PDE4D: variants seen among roughly 807,000 people sequenced by gnomAD.
PDE4D encodes the protein 3',5'-cyclic-AMP phosphodiesterase 4D.
In PDE4D, 24 loss-of-function variants were observed where a neutral mutation model predicts 87.4. The ratio of observed to expected loss-of-function variants is 0.27; its 90% CI spans 0.20 to 0.39. The LOEUF (loss-of-function observed/expected upper bound fraction) is 0.39, where lower values mean the gene tolerates loss of function less well. Ranked by LOEUF, PDE4D falls within the 10% of genes least tolerant of loss-of-function variation. The pLI is 1.00. For synonymous variants in PDE4D, 384 were observed against 383.2 expected (o/e 1.00, Z -0.02); for missense variants, 714 against 1,041.0 (o/e 0.69, Z 4.32).
chr5:59,202,324 T>A (rs1747677625), intron 2 of PDE4D, among the ~76,000 whole-genome samples: 1 of 151,958 alleles, frequency 6.6e-6, no homozygotes, highest in African/African-American at 2.4e-5. Context: ...ACAGGCATGA[T>A]CCACAGCGCC....
At chr5:59,807,629 C>T (rs1767887759) in intron 1 of PDE4D, among the ~76,000 whole-genome samples, 1 of 152,112 alleles carries the variant, frequency 6.6e-6, no homozygotes, top group Non-Finnish European at 1.5e-5. Flanking sequence ...GCCTTCCAGA[C>T]AATTATGAAA....
intron 6 of PDE4D, among the ~76,000 whole-genome samples, chr5:59,030,422 C>CAAAAAAAAAAAA (rs373275661): frequency 0.011 from 612 of 56,844 alleles, no homozygotes; most frequent in Middle Eastern, 0.016. Flanking sequence ...AACAGAGATA[C>CAAAAAAAAAAAA]AAAAAAAAAA....
chr5:60,456,349 T>C (rs1746467976), intron 1 of PDE4D, among the ~76,000 whole-genome samples: 1 of 152,222 alleles, frequency 6.6e-6, no homozygotes, highest in Non-Finnish European at 1.5e-5. Flanking sequence ...AGAGCCTCTT[T>C]CCCCAGGTTT....
chr5:59,393,907 T>C (rs1179392158), intron 1 of PDE4D, among the ~76,000 whole-genome samples: 4 of 152,212 alleles, frequency 2.6e-5, no homozygotes, highest in African/African-American at 7.2e-5. Context: ...GGAAGATAAA[T>C]GTGATAAAAG....
chr5:59,492,099 A>T (rs1187872018), intron 1 of PDE4D, among the ~76,000 whole-genome samples: 1 of 152,028 alleles, frequency 6.6e-6, no homozygotes, highest in East Asian at 1.9e-4. Flanking sequence ...TTGGGCCTAA[A>T]TCTCTGCCTC....
At chr5:59,460,493 G>C (rs562422215) in intron 1 of PDE4D, among the ~76,000 whole-genome samples, 1 of 152,136 alleles carries the variant, frequency 6.6e-6, no homozygotes, top group Admixed American at 6.5e-5. Flanking sequence ...GGCTACTCAG[G>C]AACAATGATT....
intron 5 of PDE4D, among the ~76,000 whole-genome samples, chr5:59,117,821 T>TG (rs1773862755): frequency 6.6e-6 from 1 of 151,142 alleles, no homozygotes; most frequent in Non-Finnish European, 1.5e-5. Context: ...TTTTTTTTTT[T>TG]TGTGAGGGGT....
intron 2 of PDE4D, among the ~76,000 whole-genome samples, chr5:60,125,864 C>T (rs915643762): frequency 3.3e-5 from 5 of 151,986 alleles, no homozygotes; most frequent in East Asian, 1.9e-4. Flanking sequence ...ATTTCATTTA[C>T]GGAAAAGGTA....
intron 1 of PDE4D, among the ~76,000 whole-genome samples, chr5:60,340,446 A>G (rs1371847251): frequency 6.6e-6 from 1 of 152,138 alleles, no homozygotes; most frequent in Non-Finnish European, 1.5e-5. Flanking sequence ...TTACCCTGGT[A>G]TAATAGTTTC....
At chr5:60,069,765 C>A (rs965630604) in intron 2 of PDE4D, among the ~76,000 whole-genome samples, 13 of 151,702 alleles carry the variant, frequency 8.6e-5, no homozygotes, top group Admixed American at 2.6e-4. Context: ...CTGTAGATTT[C>A]TTTTGGTAGT....
chr5:59,026,725 TA>T (rs534038842), intron 6 of PDE4D, among the ~76,000 whole-genome samples: 10 of 150,674 alleles, frequency 6.6e-5, no homozygotes, highest in African/African-American at 1.5e-4. Context: ...AAGATGGGAT[TA>T]AAAAAAAAGG....
At chr5:60,254,993 C>T (rs1386818471) in intron 1 of PDE4D, among the ~76,000 whole-genome samples, 2 of 151,844 alleles carry the variant, frequency 1.3e-5, no homozygotes, top group African/African-American at 4.8e-5. Context: ...AAAATAGCAT[C>T]ATGGCTTAAA....
chr5:59,824,316 A>C (rs555565708), intron 1 of PDE4D, among the ~76,000 whole-genome samples: 1 of 152,294 alleles, frequency 6.6e-6, no homozygotes. Flanking sequence ...TGTCCACTGG[A>C]ACTGGCCACG....
At chr5:59,750,084 C>CTTTTTT (rs35243469) in intron 1 of PDE4D, among the ~76,000 whole-genome samples, 1 of 131,464 alleles carries the variant, frequency 7.6e-6, no homozygotes, top group African/African-American at 2.9e-5. Context: ...GAATTATGAC[C>CTTTTTT]TTTTTTTTTT....
intron 1 of PDE4D, among the ~76,000 whole-genome samples, chr5:59,268,469 G>A (rs889047739): frequency 1.3e-5 from 2 of 152,006 alleles, no homozygotes; most frequent in South Asian, 2.1e-4. Context: ...CAGGCTTGCT[G>A]TCATTGTGCC....
intron 2 of PDE4D, among the ~76,000 whole-genome samples, chr5:59,204,937 G>T (rs1450531066): frequency 6.6e-6 from 1 of 152,208 alleles, no homozygotes; most frequent in Non-Finnish European, 1.5e-5. Flanking sequence ...TGTGTTTTAT[G>T]AATGCCTACT....
intron 1 of PDE4D, among the ~76,000 whole-genome samples, chr5:59,723,053 A>G (rs1268216654): frequency 6.6e-6 from 1 of 152,060 alleles, no homozygotes; most frequent in Non-Finnish European, 1.5e-5. Flanking sequence ...TCAGGATGTG[A>G]CTCACCTCTG....
At chr5:59,679,061 CTTAGT>C (rs70975325) in intron 1 of PDE4D, among the ~76,000 whole-genome samples, 140 of 152,240 alleles carry the variant, frequency 9.2e-4, no homozygotes, top group Non-Finnish European at 1.2e-3. Flanking sequence ...GTCTTATTCA[CTTAGT>C]TTATTTTCTC....
intron 3 of PDE4D, among the ~76,000 whole-genome samples, chr5:59,925,826 AATAT>A (rs1755196140): frequency 6.6e-6 from 1 of 152,222 alleles, no homozygotes; most frequent in Non-Finnish European, 1.5e-5. Flanking sequence ...AAGAATTGTA[AATAT>A]ATATGCACTC....
Sources: gnomAD v4.1 joint callset for allele counts (sites outside exome capture counted in the v4.1 genomes callset) on GRCh38, gnomAD v4.1.1 for gene constraint, MANE v1.5 for transcripts, NCBI Gene and HGNC (gene_info 2026-07-23, HGNC 2026-07-21) for gene names.